RREB1: variants seen among roughly 807,000 people sequenced by gnomAD.
RREB1 encodes the protein ras responsive element binding protein 1.
In RREB1, 27 loss-of-function variants were observed where a neutral mutation model predicts 117.8. That is an observed-to-expected ratio of 0.23 (90% CI 0.17 to 0.32). The LOEUF (loss-of-function observed/expected upper bound fraction) is 0.32. Ranked by LOEUF, RREB1 falls within the 10% of genes least tolerant of loss-of-function variation. The probability of loss-of-function intolerance (pLI) is 1.00; values close to 1 mark genes in which losing one functional copy is unlikely to be tolerated. For missense variants in RREB1, 2,577 were observed against 2,378.2 expected, an observed-to-expected ratio of 1.08 and a Z score of -1.74; for synonymous variants, 1,298 against 1,026.7, an observed-to-expected ratio of 1.26 and a Z score of -5.05.
intron 6 of RREB1, among the ~76,000 whole-genome samples, chr6:7,200,092 A>G (rs1341013430): frequency 6.6e-6 from 1 of 152,084 alleles, no homozygotes; most frequent in East Asian, 1.9e-4. Flanking sequence ...TTTATTTGCT[A>G]GACTTGACCT....
At position 7,182,043 on chromosome 6, in the gene RREB1, G is replaced by C. The variant is rs200955755; in HGVS notation, c.132G>C (p.Ser44=). ...GCCCCCAGGGGATCAAGTCCCCCTCGAAGCCTCCAGGACCAAATCGGATTG... is the reference window on the plus strand; with the variant it reads ...GCCCCCAGGGGATCAAGTCCCCCTCCAAGCCTCCAGGACCAAATCGGATTG... The part of the protein sequence containing the change: ...GGSPQGIKSP[S]KPPGPNRIGR... The change falls in exon 4 of 13, where the codon TCG becomes TCC. Residue 44 remains serine, a synonymous_variant. Transcript: ENST00000379938. 1 of 1,613,978 alleles carries C rather than the reference G, an allele frequency of 6.2e-7. No homozygotes were observed. The highest frequency in any genetic ancestry group is 1.3e-5 in the African/African-American group (1 of 74,968).
At chr6:7,169,816 G>T (rs1215405331) in intron 1 of RREB1, among the ~76,000 whole-genome samples, 1 of 152,126 alleles carries the variant, frequency 6.6e-6, no homozygotes, top group Non-Finnish European at 1.5e-5. Context: ...GGTACCACAG[G>T]ATGGTTTTAT....
chr6:7,108,697 C>G (rs530547373), intron 1 of RREB1: 1 of 152,564 alleles, frequency 6.6e-6, no homozygotes, highest in African/African-American at 2.4e-5. Context: ...CCGCCGCCGC[C>G]CTAAGGTATC....
At chr6:7,240,644 A>G (rs988365371) in intron 11 of RREB1, 42 bp downstream of exon 11, 4 of 1,581,706 alleles carry the variant, frequency 2.5e-6, no homozygotes, top group African/African-American at 2.7e-5. Flanking sequence ...AGAGGGAGAG[A>G]GAGGAGTTCG....
At chr6:7,236,890 T>TTTTG (rs1768365380) in intron 10 of RREB1, among the ~76,000 whole-genome samples, 1 of 131,128 alleles carries the variant, frequency 7.6e-6, no homozygotes, top group African/African-American at 2.9e-5. Context: ...TTTGGAGGTT[T>TTTTG]TTTTTTTTTT....
At position 7,250,931 on chromosome 6, in the gene RREB1, C is replaced by T. The variant is rs1769381310; in HGVS notation, c.*1963C>T. The T allele has an allele frequency of 1.3e-5, 2 of 152,202 alleles. No homozygotes were observed. Among genetic ancestry groups the T allele is most frequent in the Admixed American group, 1.3e-4 (2 of 15,290 alleles). 9.4% of individuals were successfully genotyped at this position (152,202 alleles called of 1,614,324 possible). ...TCAGAACCAATGATCCCTTGGCCTACTTAGTTAAAACCAGTTCATACATCC... is the reference window on the plus strand; with the variant it reads ...TCAGAACCAATGATCCCTTGGCCTATTTAGTTAAAACCAGTTCATACATCC... On this transcript the variant is annotated 3_prime_UTR_variant, in exon 13 of 13. Coordinates refer to ENST00000379938, the MANE Select transcript of RREB1 (RefSeq NM_001003699.4).
chr6:7,241,401 G>A (rs1043604575), intron 11 of RREB1, among the ~76,000 whole-genome samples: 11 of 152,136 alleles, frequency 7.2e-5, no homozygotes, highest in African/African-American at 2.2e-4. Flanking sequence ...TAGATATCCC[G>A]CCAGTTGGCA....
chr6:7,170,248 C>T (rs1764147289), intron 1 of RREB1, among the ~76,000 whole-genome samples: 1 of 152,208 alleles, frequency 6.6e-6, no homozygotes, highest in Middle Eastern at 3.2e-3. Context: ...CTTCCTCCAC[C>T]CTCTGGTCCC....
rs140651097 is a variant in RREB1, at chr6:7,197,321, A to C, written c.425+7999A>C. On this transcript the variant is annotated intron_variant, in intron 6 of 12. Coordinates refer to ENST00000379938, the MANE Select transcript of RREB1 (RefSeq NM_001003699.4). ...AGTTGTGGAGCATGTCTTACATTTA[A>C]GGGCATGCTTAAGACCCTGGCAGGG... Among the ~76,000 whole-genome samples the C allele has an allele frequency of 8.0e-3, 1,221 of 152,360 alleles. 21 individuals carry two copies. Among genetic ancestry groups the C allele is most frequent in the African/African-American group, 0.027 (1,143 of 41,574 alleles).
chr6:7,112,971 T>C (rs1761217825), intron 1 of RREB1, among the ~76,000 whole-genome samples: 1 of 152,210 alleles, frequency 6.6e-6, no homozygotes, highest in Non-Finnish European at 1.5e-5. Flanking sequence ...ATCTTATTTC[T>C]GGTGGGACTT....
At chr6:7,210,647 T>C (rs1766527297) in intron 6 of RREB1, among the ~76,000 whole-genome samples, 157 bp from the exon 7 acceptor site, 1 of 152,240 alleles carries the variant, frequency 6.6e-6, no homozygotes, top group Admixed American at 6.5e-5. Flanking sequence ...AAGGAGATTA[T>C]AGAGTTTTAA....
intron 10 of RREB1, among the ~76,000 whole-genome samples, chr6:7,232,182 C>A (rs1768032614): frequency 6.6e-6 from 1 of 152,200 alleles, no homozygotes; most frequent in Admixed American, 6.5e-5. Context: ...TGGTCACAGG[C>A]CCTCAGATCA....
chr6:7,156,703 G>A (rs146045441), intron 1 of RREB1, among the ~76,000 whole-genome samples: 450 of 152,342 alleles, frequency 3.0e-3, no homozygotes, highest in African/African-American at 0.01. Context: ...TTGGGCATCC[G>A]TTGGAAGAAA....
intron 10 of RREB1, among the ~76,000 whole-genome samples, chr6:7,234,668 G>A (rs376552482): frequency 3.9e-5 from 6 of 152,330 alleles, no homozygotes; most frequent in South Asian, 4.1e-4. Flanking sequence ...CTGCTTTGGC[G>A]CAGTCCCTGT....
At chr6:7,121,030 G>A (rs1487774391) in intron 1 of RREB1, among the ~76,000 whole-genome samples, 1 of 151,828 alleles carries the variant, frequency 6.6e-6, no homozygotes, top group Non-Finnish European at 1.5e-5. Flanking sequence ...CACCATGTTG[G>A]CCAGGCTGGT....
At chr6:7,126,035 T>C (rs182653409) in intron 1 of RREB1, among the ~76,000 whole-genome samples, 143 of 151,602 alleles carry the variant, frequency 9.4e-4, no homozygotes, top group African/African-American at 3.3e-3. Context: ...GGAGTCTTGC[T>C]CTGTCGCCCA....
intron 6 of RREB1, 117 bp downstream of exon 6, chr6:7,189,439 C>A: frequency 1.0e-6 from 1 of 985,514 alleles, no homozygotes; most frequent in Non-Finnish European, 1.4e-6. Context: ...TTCTGGAGCT[C>A]TGTCCATTGT....
intron 1 of RREB1, among the ~76,000 whole-genome samples, chr6:7,159,757 T>C (rs1257725208): frequency 6.6e-6 from 1 of 152,150 alleles, no homozygotes; most frequent in Non-Finnish European, 1.5e-5. Flanking sequence ...TCTCCAAAAG[T>C]AGGATTAAAT....
intron 6 of RREB1, among the ~76,000 whole-genome samples, chr6:7,200,220 A>G (rs12527594): frequency 0.015 from 2,183 of 144,650 alleles, 93 homozygotes; most frequent in East Asian, 0.098. Flanking sequence ...ATGTGTGTGT[A>G]TATATATATA....
Sources: gnomAD v4.1 joint callset for allele counts (sites outside exome capture counted in the v4.1 genomes callset) on GRCh38, gnomAD v4.1.1 for gene constraint, MANE v1.5 for transcripts, NCBI Gene and HGNC (gene_info 2026-07-23, HGNC 2026-07-21) for gene names.